Variants in CAMK1 observed in about 807,000 individuals in gnomAD.
CAMK1 encodes calcium/calmodulin-dependent protein kinase type 1.
A neutral mutation model predicts 49.1 loss-of-function variants in CAMK1; 39 were observed. That is an observed-to-expected ratio of 0.79 (90% CI 0.62 to 1.04). CAMK1 has a LOEUF of 1.04. CAMK1 is among the 50% of genes least tolerant of loss of function. CAMK1 has a pLI of 0.00. For synonymous variants in CAMK1, 192 were observed against 185.2 expected (o/e 1.04, Z -0.30); for missense variants, 457 against 472.2 (o/e 0.97, Z 0.30).
chr3:9,765,782 C>G lies in CAMK1; in HGVS notation c.192G>C (p.Glu64Asp). The G allele has an allele frequency of 2.5e-6, 4 of 1,614,118 alleles. No homozygotes were observed. Among genetic ancestry groups the G allele is most frequent in the Non-Finnish European group, 3.4e-6 (4 of 1,179,996 alleles). ...ACTTGTGCAGGACAGCAATCTCATTCTCCATGCTGCCTTCCTTGCCCTCCA... is the reference window on the plus strand; with the variant it reads ...ACTTGTGCAGGACAGCAATCTCATTGTCCATGCTGCCTTCCTTGCCCTCCA... ...EALEGKEGSM[E>D]NEIAVLHKIK... Residue 64 changes from glutamate (E) to aspartate (D), a missense_variant, in exon 3 of 12, where the codon GAG becomes GAC. Physicochemically the swap from Glu to Asp is conservative, Grantham distance 45. Coordinates refer to ENST00000256460, the MANE Select transcript of CAMK1 (RefSeq NM_003656.5).
rs1310854701 is a variant in CAMK1, at chr3:9,764,611, G to GTTTTTT, written c.215+1147_215+1148insAAAAAA. On this transcript the variant is annotated intron_variant, in intron 3 of 11. Transcript: ENST00000256460. ...ACAGGCGTGAGCCACTGCGCCTGGC[G>GTTTTTT]TTTTTGTTTTTTTTTTGTTTTTTTT... 2.8e-4 allele frequency among the ~76,000 whole-genome samples: 35 copies of GTTTTTT among 125,132 alleles called. 3 individuals carry two copies. Among genetic ancestry groups the GTTTTTT allele is most frequent in the East Asian group, 6.2e-4 (2 of 3,246 alleles). 82.1% of individuals were successfully genotyped at this position (125,132 alleles called of 152,430 possible). A position where few individuals can be genotyped will look rare whatever the true frequency, so the allele number is the denominator to read the frequency against.
chr3:9,765,088 G>A lies in CAMK1; in HGVS notation c.215+671C>T, dbSNP rs760510694. 5.3e-5 allele frequency among the ~76,000 whole-genome samples: 8 copies of A among 151,724 alleles called. 1 individual carries two copies. Among genetic ancestry groups the A allele is most frequent in the Non-Finnish European group, 1.0e-4 (7 of 67,940 alleles). On this transcript the variant is annotated intron_variant, in intron 3 of 11. Transcript: ENST00000256460. ...CTAAAAATACAAAAATTAGCCGGGC[G>A]TGGTGGCAGGTGCCTGTAATCCCAG...
At chr3:9,763,316 C>T in intron 3 of CAMK1, 103 bp from the exon 4 acceptor site, 3 of 1,455,016 alleles carry the variant, frequency 2.1e-6, no homozygotes, top group Admixed American at 1.8e-5. Flanking sequence ...TCACTTGGCC[C>T]CAGCAGTTCA....
intron 1 of CAMK1, 104 bp from the exon 2 acceptor site, chr3:9,767,885 G>T: frequency 2.9e-6 from 4 of 1,385,614 alleles, no homozygotes; most frequent in African/African-American, 1.5e-5. Flanking sequence ...ATTCATCCTT[G>T]ATTCATCCAT....
At chr3:9,762,733 T>G (rs2077944592) in intron 5 of CAMK1, among the ~76,000 whole-genome samples, 181 bp downstream of exon 5, 1 of 152,102 alleles carries the variant, frequency 6.6e-6, no homozygotes, top group Non-Finnish European at 1.5e-5. Context: ...AATTCACTCG[T>G]GTTCCTTTGA....
Position 9,760,488 on chromosome 3 carries a change from A to G in CAMK1, c.745+168T>C, listed in dbSNP as rs2077802988. On this transcript the variant is annotated intron_variant, in intron 8 of 11. Coordinates refer to ENST00000256460, the MANE Select transcript of CAMK1 (RefSeq NM_003656.5). ...TCACTCTGGGAGCCAAGCAGAAGGA[A>G]GTACCCAAGCAGAAGGAAGAAGGGG... The G allele has an allele frequency of 2.1e-5, 13 of 613,126 alleles. No homozygotes were observed. The East Asian group carries it at 3.8e-4, about 18-fold the overall frequency. The allele number at this position is 613,126 out of a possible 1,614,324, so 38.0% of individuals were successfully genotyped here. A position where few individuals can be genotyped will look rare whatever the true frequency, so the allele number is the denominator to read the frequency against.
Position 9,761,695 on chromosome 3 carries a change from G to T in CAMK1, c.492C>A (p.Gly164=). 1 of 1,614,198 alleles carries T rather than the reference G, an allele frequency of 6.2e-7. No individual in the cohort carries two copies. The highest frequency in any genetic ancestry group is 1.3e-5 in the African/African-American group (1 of 75,044). Residue 164 remains glycine (G), a synonymous_variant, in exon 6 of 12, where the codon GGC becomes GGA. Transcript: ENST00000256460. ...EDSKIMISDF[G]LSKMEDPGSV... ...TGCCCGGGTCCTCCATCTTGGAGAG[G>T]CCAAAGTCGGAGATCATGATTTTGG...
intron 3 of CAMK1, among the ~76,000 whole-genome samples, chr3:9,763,697 G>A (rs1257270579): frequency 6.6e-6 from 1 of 152,110 alleles, no homozygotes; most frequent in Non-Finnish European, 1.5e-5. Context: ...CCTCTTAAGA[G>A]TTTTCTGGCT....
rs1040355083 is a variant in CAMK1 at position 9,768,101 on chromosome 3, A to G, written c.-32-320T>C. On this transcript the variant is annotated intron_variant, in intron 1 of 11. Transcript: ENST00000256460. ...GGAAACCCTGACTTCTGGCAGTACA[A>G]CAGATAAACCCCCAGAGCAGCTGGT... is the stretch of plus-strand genomic sequence containing the variant. Among the ~76,000 whole-genome samples, 5 of 152,192 alleles carry G rather than the reference A, an allele frequency of 3.3e-5. No individual in the cohort carries two copies. In the East Asian group the frequency reaches 9.7e-4, roughly 30 times the overall value.
In CAMK1 at chr3:9,757,942, G is replaced by A. The variant is rs2125562224; in HGVS notation, c.913-96C>T. On this transcript the variant is annotated intron_variant, in intron 10 of 11. Coordinates refer to ENST00000256460, the MANE Select transcript of CAMK1 (RefSeq NM_003656.5). This position sits in a 1 kb window ranked among gnomAD's most constrained non-coding sequence, Gnocchi z 4.5. The stretch of plus-strand genomic sequence containing the variant: ...GCAGTGGGATTCTTGCAATTGTTCT[G>A]TTATTTTCATTCAGGAGTTATTTTA... 6.6e-7 allele frequency: 1 copy of A among 1,507,188 alleles called. No homozygotes were observed. The allele number at this position is 1,507,188 out of a possible 1,614,324, so 93.4% of individuals were successfully genotyped here. A position where few individuals can be genotyped will look rare whatever the true frequency, so the allele number is the denominator to read the frequency against.
intron 2 of CAMK1, chr3:9,766,192 T>G (rs1482240560): frequency 1.2e-6 from 1 of 800,792 alleles, no homozygotes; most frequent in East Asian, 2.7e-5. Flanking sequence ...GGCGATCATC[T>G]TTGCCACCAC....
In CAMK1 at chr3:9,759,575, C is replaced by T; in HGVS notation, c.825G>A (p.Trp275Ter). The part of the protein sequence containing the change: ...FTCEQALQHP[W>*]IAGDTALDKN... ...TATCTAGAGCTGTATCTCCTGCAATCCTAGGATGGGGTTATGTGGTGGGTT... is the reference window on the plus strand; with the variant it reads ...TATCTAGAGCTGTATCTCCTGCAATTCTAGGATGGGGTTATGTGGTGGGTT... The change falls in exon 10 of 12, where the codon TGG (tryptophan) becomes TGA (stop). Residue 275 changes from tryptophan to a stop codon, truncating the protein, a stop_gained and splice_region_variant. Coordinates refer to ENST00000256460, the MANE Select transcript of CAMK1 (RefSeq NM_003656.5). LOFTEE classifies it high-confidence loss of function. The T allele has an allele frequency of 6.2e-7, 1 of 1,614,182 alleles. No individual in the cohort carries two copies. Among genetic ancestry groups the T allele is most frequent in the East Asian group, 2.2e-5 (1 of 44,882 alleles).
At chr3:9,766,240 G>T in intron 2 of CAMK1, 1 of 715,374 alleles carries the variant, frequency 1.4e-6, no homozygotes, top group Non-Finnish European at 2.5e-6. Context: ...TTAACACAAA[G>T]GAAGTCCAAC....
At chr3:9,762,861 G>T in intron 5 of CAMK1, 53 bp downstream of exon 5, 1 of 1,586,914 alleles carries the variant, frequency 6.3e-7, no homozygotes, top group Non-Finnish European at 8.6e-7. Context: ...TTTGGGGTTT[G>T]CAAAGGCCCC....
chr3:9,766,616 T>G lies in CAMK1; in HGVS notation c.84-726A>C, dbSNP rs972927199. 3 of 1,042,634 alleles carry G rather than the reference T, an allele frequency of 2.9e-6. No homozygotes were observed. The African/African-American group carries it at 5.1e-5, about 18-fold the overall frequency. The allele number at this position is 1,042,634 out of a possible 1,614,324, so 64.6% of individuals were successfully genotyped here. A position where few individuals can be genotyped will look rare whatever the true frequency, so the allele number is the denominator to read the frequency against. ...TAAGAAGCAGTGTTTTAGAACAGGT[T>G]CTTAAAAAGGAACAAATAAACTCAT... On this transcript the variant is annotated intron_variant, in intron 2 of 11. Transcript: ENST00000256460.
chr3:9,765,938 C>T, intron 2 of CAMK1, 48 bp from the exon 3 acceptor site: 2 of 1,614,174 alleles, frequency 1.2e-6, no homozygotes, highest in Non-Finnish European at 1.7e-6. Context: ...ACCCCAGCTT[C>T]CCTCCAGCCT....
chr3:9,764,590 G>A (rs1223851031), intron 3 of CAMK1, among the ~76,000 whole-genome samples: 1 of 149,540 alleles, frequency 6.7e-6, no homozygotes, highest in East Asian at 2.0e-4. Flanking sequence ...GGGATTACAG[G>A]CGTGAGCCAC....
At chr3:9,762,722 C>T (rs1168368618) in intron 5 of CAMK1, among the ~76,000 whole-genome samples, 192 bp downstream of exon 5, 1 of 151,980 alleles carries the variant, frequency 6.6e-6, no homozygotes, top group African/African-American at 2.4e-5. Context: ...AAATGCCACA[C>T]AATTCACTCG....
At chr3:9,762,667 A>AT (rs879790415) in intron 5 of CAMK1, among the ~76,000 whole-genome samples, 377 of 146,966 alleles carry the variant, frequency 2.6e-3, no homozygotes, top group African/African-American at 6.8e-3. Context: ...GTCTGGCCAG[A>AT]TTTTTTTTTT....
Sources: allele counts gnomAD v4.1 joint callset (sites outside exome capture counted in the v4.1 genomes callset), GRCh38; gene constraint gnomAD v4.1.1; non-coding constraint Gnocchi (gnomAD v3.1); transcripts MANE v1.5; gene names NCBI Gene and HGNC (gene_info 2026-07-23, HGNC 2026-07-21).